IMPDH1: variants seen among roughly 807,000 people sequenced by gnomAD.
The protein encoded by IMPDH1 is inosine-5'-monophosphate dehydrogenase 1.
Under a neutral mutation model 73.5 loss-of-function variants are expected in IMPDH1, and 41 were observed. That is an observed-to-expected ratio of 0.56 (90% CI 0.43 to 0.72). IMPDH1 has a LOEUF of 0.72. Among genes scored for constraint, IMPDH1 ranks in the 30% least tolerant of loss-of-function variants. IMPDH1 has a pLI of 0.00. For synonymous variants in IMPDH1, 318 were observed against 334.3 expected (o/e 0.95, Z 0.53); for missense variants, 645 against 824.8 (o/e 0.78, Z 2.67).
At chr7:128,395,295 C>T (rs375515200) in intron 12 of IMPDH1, 21 bp from the exon 13 acceptor site, 7 of 1,612,154 alleles carry the variant, frequency 4.3e-6, no homozygotes, top group African/African-American at 2.7e-5. Flanking sequence ...GTGGGGTGCA[C>T]AAGGCAGAGA....
chr7:128,394,189 C>T lies in IMPDH1; in HGVS notation c.1778+89G>A. On this transcript the variant is annotated intron_variant, in intron 16 of 16. Transcript: ENST00000338791. This position sits in a 1 kb window ranked among gnomAD's most constrained non-coding sequence, Gnocchi z 5.5. ...CCCTGCTGCAGGTGGTCCATGGGGTCCCTGGAACCTCAGCTTGACCTCAGA... is the reference window on the plus strand; with the variant it reads ...CCCTGCTGCAGGTGGTCCATGGGGTTCCTGGAACCTCAGCTTGACCTCAGA... The T allele has an allele frequency of 5.7e-6, 6 of 1,058,400 alleles. No individual in the cohort carries two copies. The highest frequency in any genetic ancestry group is 1.6e-5 in the African/African-American group (1 of 64,282). The allele number at this position is 1,058,400 out of a possible 1,614,324, so 65.6% of individuals were successfully genotyped here.
chr7:128,405,561 T>G (rs1798661626), intron 4 of IMPDH1, among the ~76,000 whole-genome samples: 1 of 151,992 alleles, frequency 6.6e-6, no homozygotes. Context: ...CAGAAACGGG[T>G]CAGGGCTCTG....
intron 16 of IMPDH1, chr7:128,393,875 G>A: frequency 3.0e-6 from 1 of 337,300 alleles, no homozygotes; most frequent in Non-Finnish European, 5.7e-6. Context: ...GGTTGCCCCA[G>A]CGCTGGCCCT....
intron 5 of IMPDH1, among the ~76,000 whole-genome samples, chr7:128,402,675 G>A (rs551643879): frequency 1.3e-5 from 2 of 150,932 alleles, no homozygotes; most frequent in South Asian, 2.1e-4. Flanking sequence ...AATCAGACCA[G>A]AATAAATAGC....
chr7:128,402,171 C>T (rs932068584), intron 5 of IMPDH1, among the ~76,000 whole-genome samples: 11 of 152,150 alleles, frequency 7.2e-5, no homozygotes, highest in African/African-American at 1.9e-4. Flanking sequence ...AGTGCAATCC[C>T]GACTCACTGC....
At position 128,396,750 on chromosome 7, in the gene IMPDH1, C is replaced by T. The variant is rs1285879594; in HGVS notation, c.1166-55G>A. 2 of 1,441,420 alleles carry T rather than the reference C, an allele frequency of 1.4e-6. No homozygotes were observed. The highest frequency in any genetic ancestry group is 1.9e-6 in the Non-Finnish European group (2 of 1,047,728). The allele number at this position is 1,441,420 out of a possible 1,614,324, so 89.3% of individuals were successfully genotyped here. A position where few individuals can be genotyped will look rare whatever the true frequency, so the allele number is the denominator to read the frequency against. ...TGTGAGGATGGGATGCCCCTGCCTG[C>T]CCAACAGCCTCTTGGGACCCCAGTC... On this transcript the variant is annotated intron_variant, in intron 11 of 16. Transcript: ENST00000338791. The surrounding 1 kb of genome is among the most constrained non-coding windows in gnomAD (Gnocchi z 4.0).
At position 128,394,385 on chromosome 7, in the gene IMPDH1, G is replaced by A. The variant is rs72624971; in HGVS notation, c.1695-24C>T. 425 of 1,613,554 alleles carry A rather than the reference G, an allele frequency of 2.6e-4. 1 individual carries two copies. The African/African-American group carries it at 4.1e-3, about 16-fold the overall frequency. ...ACCTAGGAGGAAGGTAGGTGGAGCA[G>A]ATCAGGGCCACCAAGGGTGGAGAAG... On this transcript the variant is annotated intron_variant, in intron 15 of 16. Coordinates refer to ENST00000338791, the MANE Select transcript of IMPDH1 (RefSeq NM_000883.4). The surrounding 1 kb of genome is among the most constrained non-coding windows in gnomAD (Gnocchi z 5.5).
Position 128,394,829 on chromosome 7 carries a change from T to A in IMPDH1, c.1550+60A>T. 1.3e-6 allele frequency: 2 copies of A among 1,598,376 alleles called. No individual in the cohort carries two copies. The highest frequency in any genetic ancestry group is 2.2e-5 in the South Asian group (2 of 90,810). On this transcript the variant is annotated intron_variant, in intron 14 of 16. Transcript: ENST00000338791. The surrounding 1 kb of genome is among the most constrained non-coding windows in gnomAD (Gnocchi z 5.5). Reference sequence around the variant, plus strand: ...CTGCCATCTGGGGAAGTCGGTGGCATGAGCGGGCCCTGAAGGGTTGTGGGC... The same window carrying A: ...CTGCCATCTGGGGAAGTCGGTGGCAAGAGCGGGCCCTGAAGGGTTGTGGGC...
chr7:128,396,996 A>G lies in IMPDH1; in HGVS notation c.1101T>C (p.Tyr367=), dbSNP rs374594472. ...VLDSSQGNSV[Y]QIAMVHYIKQ... ...TGATGTAATGCACCATGGCGATCTG[A>G]TACACCGAATTCCCTTGGGACGAGT... The change falls in exon 11 of 17, where the codon TAT becomes TAC. Residue 367 remains tyrosine (Y), a synonymous_variant. Coordinates refer to ENST00000338791, the MANE Select transcript of IMPDH1 (RefSeq NM_000883.4). The surrounding 1 kb of genome is among the most constrained non-coding windows in gnomAD (Gnocchi z 4.0). 6.2e-6 allele frequency: 10 copies of G among 1,613,934 alleles called. No homozygotes were observed. Among genetic ancestry groups the G allele is most frequent in the Non-Finnish European group, 8.5e-6 (10 of 1,179,868 alleles).
In IMPDH1 at chr7:128,394,629, C is replaced by T. The variant is rs749126638; in HGVS notation, c.1551-30G>A. 2.5e-6 allele frequency: 4 copies of T among 1,611,772 alleles called. No homozygotes were observed. The highest frequency in any genetic ancestry group is 2.7e-5 in the African/African-American group (2 of 74,890). On this transcript the variant is annotated intron_variant, in intron 14 of 16. Coordinates refer to ENST00000338791, the MANE Select transcript of IMPDH1 (RefSeq NM_000883.4). This position sits in a 1 kb window ranked among gnomAD's most constrained non-coding sequence, Gnocchi z 5.5. ...GTGGAGGGTGGAAGACTGAGCCCAGCAGCTTGAAGCTCAGAGGACCCCACC... is the reference window on the plus strand; with the variant it reads ...GTGGAGGGTGGAAGACTGAGCCCAGTAGCTTGAAGCTCAGAGGACCCCACC...
chr7:128,394,849 G>A lies in IMPDH1; in HGVS notation c.1550+40C>T, dbSNP rs1047285136. 1.2e-6 allele frequency: 2 copies of A among 1,608,720 alleles called. No individual in the cohort carries two copies. Among genetic ancestry groups the A allele is most frequent in the Non-Finnish European group, 8.5e-7 (1 of 1,178,806 alleles). The stretch of plus-strand genomic sequence containing the variant: ...TGGCATGAGCGGGCCCTGAAGGGTT[G>A]TGGGCTGATCTGCCCAGGTGGGGCC... On this transcript the variant is annotated intron_variant, in intron 14 of 16. Coordinates refer to ENST00000338791, the MANE Select transcript of IMPDH1 (RefSeq NM_000883.4). This position sits in a 1 kb window ranked among gnomAD's most constrained non-coding sequence, Gnocchi z 5.5.
At chr7:128,397,839 T>C (rs1372622611) in intron 10 of IMPDH1, among the ~76,000 whole-genome samples, 1 of 152,172 alleles carries the variant, frequency 6.6e-6, no homozygotes, top group African/African-American at 2.4e-5. Context: ...TACCCACATA[T>C]CGAAAACTGT....
At chr7:128,401,733 G>A (rs3793166) in intron 5 of IMPDH1, among the ~76,000 whole-genome samples, 5,177 of 152,276 alleles carry the variant, frequency 0.034, 217 homozygotes, top group East Asian at 0.21. Flanking sequence ...GCTGAGGTGG[G>A]GGTAGGCATG....
chr7:128,393,033 G>A lies in IMPDH1; in HGVS notation c.1779-5C>T. On this transcript the variant is annotated splice_polypyrimidine_tract_variant and splice_region_variant and intron_variant, in intron 16 of 16. Transcript: ENST00000338791. ...CAGTACAGCCGCTTTTCGTAACTGTGGGGACAAGGCAAGAGGGGGAACAAG... is the reference window on the plus strand; with the variant it reads ...CAGTACAGCCGCTTTTCGTAACTGTAGGGACAAGGCAAGAGGGGGAACAAG... 2 of 1,613,862 alleles carry A rather than the reference G, an allele frequency of 1.2e-6. No homozygotes were observed. The highest frequency in any genetic ancestry group is 1.7e-6 in the Non-Finnish European group (2 of 1,179,826).
At position 128,394,928 on chromosome 7, in the gene IMPDH1, G is replaced by A. The variant is rs760421770; in HGVS notation, c.1511C>T (p.Ala504Val). The change falls in exon 14 of 17, where the codon GCC (alanine) becomes GTC (valine). Residue 504 changes from alanine (A) to valine (V), a missense_variant. Ala to Val is a moderately conservative substitution (Grantham distance 64, BLOSUM62 0). This residue lies in a region of IMPDH1 where 459 missense variants were observed against 638.2 expected (regional missense o/e 0.72). Coordinates refer to ENST00000338791, the MANE Select transcript of IMPDH1 (RefSeq NM_000883.4). The surrounding 1 kb of genome is among the most constrained non-coding windows in gnomAD (Gnocchi z 5.5). The stretch of plus-strand genomic sequence containing the variant: ...CTGGCTGCTGCTGCTCTTCTCCATG[G>A]CATCCAGTGAGCCCATGCCCCGGTA... ...KKYRGMGSLDAMEKSSSSQKR... is the reference protein window; with the variant it reads ...KKYRGMGSLDVMEKSSSSQKR... 2 of 1,613,180 alleles carry A rather than the reference G, an allele frequency of 1.2e-6. No individual in the cohort carries two copies. The highest frequency in any genetic ancestry group is 1.1e-5 in the South Asian group (1 of 91,058).
At position 128,400,156 on chromosome 7, in the gene IMPDH1, C is replaced by T. The variant is rs758238094; in HGVS notation, c.813G>A (p.Val271=). 1.2e-6 allele frequency: 2 copies of T among 1,614,002 alleles called. No homozygotes were observed. The highest frequency in any genetic ancestry group is 2.7e-5 in the African/African-American group (2 of 74,924). Residue 271 remains valine, a synonymous_variant, in exon 9 of 17, where the codon GTG becomes GTA. Transcript: ENST00000338791. ...SEVMTPRIEL[V]VAPAGVTLKE... ...TCAACGTCACACCTGCTGGAGCCAC[C>T]ACCAGTTCAATCCTTGGCGTCATCA...
chr7:128,397,070 C>A, intron 10 of IMPDH1, 48 bp from the exon 11 acceptor site: 1 of 1,358,940 alleles, frequency 7.4e-7, no homozygotes, highest in South Asian at 1.2e-5. Context: ...TGAGGATTCT[C>A]AAGGCAGGAG....
intron 16 of IMPDH1, among the ~76,000 whole-genome samples, chr7:128,393,281 G>A (rs1797661912): frequency 6.6e-6 from 1 of 152,354 alleles, no homozygotes; most frequent in Admixed American, 6.5e-5. Flanking sequence ...CCACATCTGA[G>A]TGGATGTCCT....
chr7:128,397,128 G>T, intron 10 of IMPDH1, 106 bp from the exon 11 acceptor site: 1 of 756,396 alleles, frequency 1.3e-6, no homozygotes, highest in South Asian at 1.5e-5. Context: ...AAACTGTTAT[G>T]AGAATGCTCT....
Sources: allele counts gnomAD v4.1 joint callset (sites outside exome capture counted in the v4.1 genomes callset), GRCh38; gene constraint gnomAD v4.1.1; regional missense constraint gnomAD v4.1.1; non-coding constraint Gnocchi (gnomAD v3.1); transcripts MANE v1.5; gene names NCBI Gene and HGNC (gene_info 2026-07-23, HGNC 2026-07-21).